The following HELZ2 variants were observed in gnomAD, a reference collection of about 807,000 sequenced individuals.
HELZ2 encodes the protein 3'-5' exoribonuclease HELZ2.
Under a neutral mutation model 208.8 loss-of-function variants are expected in HELZ2, and 143 were observed. The observed-to-expected ratio is 0.68, with a 90% confidence interval of 0.60 to 0.79. HELZ2 has a LOEUF of 0.79. Ranked by LOEUF, HELZ2 falls within the 30% of genes least tolerant of loss-of-function variation. The pLI is 0.00. For missense variants in HELZ2, 3,690 were observed against 3,794.5 expected, an observed-to-expected ratio of 0.97 and a Z score of 0.72; for synonymous variants, 1,705 against 1,693.7, an observed-to-expected ratio of 1.01 and a Z score of -0.16.
rs766699437 is a variant in HELZ2, at chr20:63,565,277, G to A, written c.3545C>T (p.Ala1182Val). The A allele has an allele frequency of 1.3e-5, 21 of 1,605,364 alleles. 1 individual carries two copies. The South Asian group carries it at 1.4e-4, about 11-fold the overall frequency. ...GCGGCCCCGAAGCCGCCCCTCGGGC[G>A]CCTTGTCTCCCGAAAGGAGCTGCAC... is the stretch of plus-strand genomic sequence containing the variant. The change falls in exon 8 of 19, where the codon GCG becomes GTG. Residue 1182 changes from alanine (A) to valine (V), a missense_variant. Coordinates refer to ENST00000467148, the Ensembl canonical transcript of HELZ2.
downstream of HELZ2, chr20:63,559,022 A>G: frequency 2.0e-6 from 1 of 495,596 alleles, no homozygotes; most frequent in Non-Finnish European, 3.6e-6. Context: ...CCTCTTGGCC[A>G]CCCTGAGAGG....
Position 63,561,779 on chromosome 20 carries a change from G to A in HELZ2, c.6692-34C>T, listed in dbSNP as rs140284797. ...AGTTGGGGGACGTGAGTCCTGCCCC[G>A]CGTGCCAGCTCCCCAAAGGCCCCCA... On this transcript the variant is annotated intron_variant, in intron 11 of 18. Coordinates refer to ENST00000467148, the Ensembl canonical transcript of HELZ2. The A allele has an allele frequency of 3.9e-3, 6,104 of 1,559,428 alleles. 18 individuals are homozygous for A. Among genetic ancestry groups the A allele is most frequent in the Admixed American group, 5.2e-3 (274 of 52,646 alleles).
exon 17 of HELZ2, chr20:63,560,298 C>T: frequency 6.4e-7 from 1 of 1,556,920 alleles, no homozygotes; most frequent in Admixed American, 1.9e-5. Flanking sequence ...CTACGGTCCT[C>T]CCCAGGGTCA....
exon 6 of HELZ2, chr20:63,567,456 T>C: frequency 1.9e-6 from 3 of 1,558,234 alleles, no homozygotes; most frequent in Non-Finnish European, 2.6e-6. Flanking sequence ...GCTCTGCCCG[T>C]GTGGGCGGGC....
At chr20:63,567,444 C>T (rs1479723115) in exon 6 of HELZ2, 1 of 1,560,376 alleles carries the variant, frequency 6.4e-7, no homozygotes, top group Non-Finnish European at 8.7e-7. Flanking sequence ...GGTGCCGCGC[C>T]AGCTCTGCCC....
chr20:63,565,915 C>T (rs780174596), exon 8 of HELZ2: 25 of 1,598,092 alleles, frequency 1.6e-5, no homozygotes, highest in Admixed American at 8.3e-5. Context: ...TCCCCGCTGC[C>T]CCAGCCTGTG....
chr20:63,561,511 C>A, intron 12 of HELZ2, 45 bp from the exon 14 acceptor site: 1 of 1,579,478 alleles, frequency 6.3e-7, no homozygotes, highest in Non-Finnish European at 8.6e-7. Context: ...AGGGCCATCA[C>A]GGGGGCAGAG....
At chr20:63,573,965 G>A (rs1175326429), upstream of HELZ2, among the ~76,000 whole-genome samples, 2 of 152,128 alleles carry the variant, frequency 1.3e-5, no homozygotes, top group Admixed American at 6.5e-5. This position sits in a 1 kb window ranked among gnomAD's most constrained non-coding sequence, Gnocchi z 4.9. Flanking sequence ...AGACCACAGC[G>A]CTGGGTCTTG....
rs773834228 is a variant in HELZ2 at position 63,560,499 on chromosome 20, G to A, written c.7480C>T (p.Leu2494=). 4 of 1,611,924 alleles carry A rather than the reference G, an allele frequency of 2.5e-6. No homozygotes were observed. The South Asian group carries it at 4.4e-5, about 18-fold the overall frequency. ...CTCACCACCTCAGCCACCTCCTCCA[G>A]GTTGGCCTTGGAGTTCTCATTCCCT... The change falls in exon 16 of 19, where the codon CTG becomes TTG. Residue 2494 remains leucine (L), a synonymous_variant. Transcript: ENST00000467148.
Position 63,564,390 on chromosome 20 carries a change from G to GGGCCGGCAGCTCAC in HELZ2, c.4418_4431dup (p.Arg1478ValfsTer53). ...ACGCAGGCGTCCACGGAGTCCAGGC[G>GGGCCGGCAGCTCAC]GGCCGGCAGCTCACGGCCGGCACCC... On this transcript the variant is annotated frameshift_variant, in exon 8 of 19. Coordinates refer to ENST00000467148, the Ensembl canonical transcript of HELZ2. LOFTEE classifies it high-confidence loss of function. The GGGCCGGCAGCTCAC allele has an allele frequency of 6.5e-7, 1 of 1,549,136 alleles. No individual in the cohort carries two copies. The highest frequency in any genetic ancestry group is 8.7e-7 in the Non-Finnish European group (1 of 1,149,430).
At chr20:63,562,127 G>T in exon 10 of HELZ2, 1 of 1,586,810 alleles carries the variant, frequency 6.3e-7, no homozygotes, top group African/African-American at 1.4e-5. Flanking sequence ...TGACCGCCAC[G>T]TTCTGGCTGG....
At chr20:63,570,010 G>A (rs563369117) in intron 3 of HELZ2, 67 of 457,438 alleles carry the variant, frequency 1.5e-4, no homozygotes, top group Non-Finnish European at 2.2e-4. Flanking sequence ...GTGCAATGGC[G>A]CGATCTCAAC....
At chr20:63,572,206 T>C (rs1441596589) in exon 1 of HELZ2, 17 of 1,605,790 alleles carry the variant, frequency 1.1e-5, no homozygotes, top group Non-Finnish European at 1.4e-5. Flanking sequence ...GCTCCGAGGA[T>C]GCGCAGTGGT....
exon 4 of HELZ2, chr20:63,569,600 G>C (rs764483269): frequency 6.4e-7 from 1 of 1,564,464 alleles, no homozygotes; most frequent in Non-Finnish European, 8.7e-7. Flanking sequence ...GCGGGAGGCC[G>C]GGAGCCACCA....
Position 63,566,059 on chromosome 20 carries a change from G to A in HELZ2, c.2763C>T (p.Phe921=), listed in dbSNP as rs143981527. The A allele has an allele frequency of 1.5e-4, 241 of 1,588,912 alleles. 1 individual carries two copies. The highest frequency in any genetic ancestry group is 5.3e-4 in the Admixed American group (31 of 58,868). The change falls in exon 8 of 19, where the codon TTC becomes TTT. Residue 921 remains phenylalanine (F), a synonymous_variant. Transcript: ENST00000467148. Reference sequence around the variant, plus strand: ...TCTCCCAGAGCTTGCCGCAGGCCCCGAAGGAGCAGAGGGCCACGGCGTCCC... The same window carrying A: ...TCTCCCAGAGCTTGCCGCAGGCCCCAAAGGAGCAGAGGGCCACGGCGTCCC...
At chr20:63,563,717 T>A (rs1446116411) in exon 8 of HELZ2, 1 of 1,594,404 alleles carries the variant, frequency 6.3e-7, no homozygotes, top group Admixed American at 1.7e-5. Flanking sequence ...CCCATCGATG[T>A]CCCTGGCAGA....
chr20:63,565,722 C>G, exon 8 of HELZ2: 1 of 1,605,876 alleles, frequency 6.2e-7, no homozygotes. Flanking sequence ...CCGGGCACCA[C>G]GTCTTCCTTC....
At chr20:63,568,895 G>A (rs954148112) in exon 5 of HELZ2, 2 of 1,611,406 alleles carry the variant, frequency 1.2e-6, no homozygotes, top group Non-Finnish European at 8.5e-7. Context: ...CAGGGAGGAG[G>A]GGACGGGGAC....
chr20:63,564,834 C>G, exon 8 of HELZ2: 1 of 1,610,278 alleles, frequency 6.2e-7, no homozygotes, highest in Middle Eastern at 1.7e-4. Context: ...CGGCCGGCAA[C>G]CCGGCCAAGC....
Sources: gnomAD v4.1 joint callset for allele counts (sites outside exome capture counted in the v4.1 genomes callset) on GRCh38, gnomAD v4.1.1 for gene constraint, Gnocchi (gnomAD v3.1) non-coding constraint, MANE v1.5 for transcripts, NCBI Gene and HGNC (gene_info 2026-07-23, HGNC 2026-07-21) for gene names.